The following PDSS2 variants were observed in gnomAD, a reference collection of about 807,000 sequenced individuals.
The protein encoded by PDSS2 is all trans-polyprenyl-diphosphate synthase PDSS2.
Under a neutral mutation model 44.5 loss-of-function variants are expected in PDSS2, and 31 were observed. The observed-to-expected ratio is 0.70, with a 90% CI of 0.52 to 0.94. PDSS2 has a LOEUF of 0.94. Ranked by LOEUF, PDSS2 falls within the 40% of genes least tolerant of loss-of-function variation. PDSS2 has a pLI of 0.00. For missense variants in PDSS2, 452 were observed against 482.2 expected (o/e 0.94, Z 0.59); for synonymous variants, 157 against 180.3 (o/e 0.87, Z 1.03).
At chr6:107,283,056 C>T (rs1420410564) in intron 2 of PDSS2, among the ~76,000 whole-genome samples, 1 of 151,344 alleles carries the variant, frequency 6.6e-6, no homozygotes, top group East Asian at 2.0e-4. Context: ...TGGTGGCTCA[C>T]ACTTGTAATC....
In PDSS2 at chr6:107,228,523, G is replaced by A. The variant is rs369082326; in HGVS notation, c.703-16241C>T. Among the ~76,000 whole-genome samples, 5 of 151,864 alleles carry A rather than the reference G, an allele frequency of 3.3e-5. No homozygotes were observed. The East Asian group carries it at 7.7e-4, about 23-fold the overall frequency. On this transcript the variant is annotated intron_variant, in intron 4 of 7. Coordinates refer to ENST00000369037, the MANE Select transcript of PDSS2 (RefSeq NM_020381.4). ...AGCCTGGCCAACGTGGTGAAACCCC[G>A]TCTCTACTAAAAATACAAAAAATTA...
At chr6:107,303,209 C>A (rs942044912) in intron 2 of PDSS2, among the ~76,000 whole-genome samples, 3 of 152,142 alleles carry the variant, frequency 2.0e-5, no homozygotes, top group African/African-American at 7.2e-5. Flanking sequence ...TTTACAACAT[C>A]CCACTCCCTC....
chr6:107,210,559 A>T lies in PDSS2; in HGVS notation c.888T>A (p.Asp296Glu), dbSNP rs747602378. The T allele has an allele frequency of 6.3e-7, 1 of 1,592,736 alleles. No individual in the cohort carries two copies. The highest frequency in any genetic ancestry group is 2.2e-5 in the East Asian group (1 of 44,664). The change falls in exon 6 of 8, where the codon GAT becomes GAA. Residue 296 changes from aspartate (D) to glutamate (E), a missense_variant. Coordinates refer to ENST00000369037, the MANE Select transcript of PDSS2 (RefSeq NM_020381.4). ...HMAMSHKINS[D>E]VQPFIKEKTS... Reference sequence around the variant, plus strand: ...TCTTTTCTTTAATAAAAGGCTGGACATCAGAATTTATCTACAAGAAGCAAT... The same window carrying T: ...TCTTTTCTTTAATAAAAGGCTGGACTTCAGAATTTATCTACAAGAAGCAAT...
chr6:107,445,151 C>T (rs1053846404), intron 1 of PDSS2, among the ~76,000 whole-genome samples: 9 of 150,626 alleles, frequency 6.0e-5, no homozygotes, highest in South Asian at 2.1e-4. Context: ...ATTTAAGTAA[C>T]GAAAATTTAT....
intron 1 of PDSS2, among the ~76,000 whole-genome samples, chr6:107,339,104 G>A (rs1022637352): frequency 2.6e-5 from 4 of 152,252 alleles, no homozygotes; most frequent in African/African-American, 7.2e-5. Context: ...AAAAAACAGA[G>A]CAACCTCTGG....
intron 1 of PDSS2, among the ~76,000 whole-genome samples, chr6:107,385,786 CTCAAATCTGTTT>C (rs1779594078): frequency 6.6e-6 from 1 of 151,240 alleles, no homozygotes; most frequent in South Asian, 2.1e-4. Context: ...TGGATCTTTC[CTCAAATCTGTTT>C]CCAGGTCCTG....
chr6:107,313,838 A>C (rs556124866), intron 2 of PDSS2, among the ~76,000 whole-genome samples: 1 of 152,202 alleles, frequency 6.6e-6, no homozygotes, highest in Admixed American at 6.5e-5. Flanking sequence ...TTCTTATAAC[A>C]AAATGAAAAT....
At chr6:107,228,711 TAAATAAATAAAC>T (rs1398588742) in intron 4 of PDSS2, among the ~76,000 whole-genome samples, 1,840 of 122,998 alleles carry the variant, frequency 0.015, 25 homozygotes, top group African/African-American at 0.047. Context: ...AATAAATAAA[TAAATAAATAAAC>T]AAACAAACAA....
intron 2 of PDSS2, among the ~76,000 whole-genome samples, chr6:107,277,969 T>C (rs1314146890): frequency 6.7e-6 from 1 of 150,284 alleles, no homozygotes; most frequent in Non-Finnish European, 1.5e-5. Flanking sequence ...CAAAAATAAA[T>C]GAATAAATAA....
At chr6:107,405,246 C>A (rs534859614) in intron 1 of PDSS2, among the ~76,000 whole-genome samples, 2 of 151,968 alleles carry the variant, frequency 1.3e-5, no homozygotes, top group African/African-American at 2.4e-5. Context: ...TGTAGCAATT[C>A]ATCGCCACTA....
intron 1 of PDSS2, among the ~76,000 whole-genome samples, chr6:107,387,081 C>T (rs1583022106): frequency 1.3e-5 from 2 of 152,218 alleles, no homozygotes; most frequent in African/African-American, 4.8e-5. Flanking sequence ...TTTCCACCAA[C>T]CTGTTGCACT....
rs1453196194 is a variant in PDSS2, at chr6:107,407,705, C to G, written c.296+51285G>C. ...TGAGTAGTACTTATTACTAGCAGGT[C>G]TCTCTCTTTTTTGAGATGGAGTCTC... On this transcript the variant is annotated intron_variant, in intron 1 of 7. Coordinates refer to ENST00000369037, the MANE Select transcript of PDSS2 (RefSeq NM_020381.4). Among the ~76,000 whole-genome samples, 3 of 152,106 alleles carry G rather than the reference C, an allele frequency of 2.0e-5. No individual in the cohort carries two copies. In the South Asian group the frequency reaches 6.2e-4, roughly 32 times the overall value.
chr6:107,298,462 C>T (rs1001937940), intron 2 of PDSS2, among the ~76,000 whole-genome samples: 2 of 152,194 alleles, frequency 1.3e-5, no homozygotes, highest in South Asian at 4.1e-4. Flanking sequence ...GCAAATATAA[C>T]CATTTTATAT....
intron 3 of PDSS2, among the ~76,000 whole-genome samples, chr6:107,267,147 C>T (rs538737292): frequency 1.8e-4 from 28 of 152,236 alleles, no homozygotes; most frequent in African/African-American, 6.0e-4. Flanking sequence ...CCAAAGGCAA[C>T]GAGTCTTGGT....
At chr6:107,301,075 C>T (rs1776678718) in intron 2 of PDSS2, among the ~76,000 whole-genome samples, 1 of 152,182 alleles carries the variant, frequency 6.6e-6, no homozygotes, top group South Asian at 2.1e-4. Context: ...AGTGAACACA[C>T]ATTAAGTCCA....
chr6:107,298,167 C>A (rs551373264), intron 2 of PDSS2, among the ~76,000 whole-genome samples: 1 of 152,264 alleles, frequency 6.6e-6, no homozygotes, highest in Non-Finnish European at 1.5e-5. Flanking sequence ...TTATATGAAT[C>A]CCCTATTGAG....
intron 1 of PDSS2, among the ~76,000 whole-genome samples, chr6:107,438,434 C>T (rs1220440680): frequency 6.6e-6 from 1 of 152,064 alleles, no homozygotes; most frequent in Non-Finnish European, 1.5e-5. Flanking sequence ...AGGCTGGTCT[C>T]GAACTCTTGA....
intron 1 of PDSS2, among the ~76,000 whole-genome samples, chr6:107,403,359 C>CATG: frequency 6.6e-6 from 1 of 152,224 alleles, no homozygotes; most frequent in Admixed American, 6.5e-5. Context: ...AGGACAGCCT[C>CATG]CCTCCCAGCT....
At chr6:107,412,534 C>T (rs543739822) in intron 1 of PDSS2, among the ~76,000 whole-genome samples, 1 of 152,304 alleles carries the variant, frequency 6.6e-6, no homozygotes, top group African/African-American at 2.4e-5. Context: ...AACACTGTGC[C>T]CAGCCCTTTG....
Sources: gnomAD v4.1 joint callset for allele counts (sites outside exome capture counted in the v4.1 genomes callset) on GRCh38, gnomAD v4.1.1 for gene constraint, MANE v1.5 for transcripts, NCBI Gene and HGNC (gene_info 2026-07-23, HGNC 2026-07-21) for gene names.